Variants in ARHGAP12 observed in about 807,000 individuals in gnomAD.
ARHGAP12 encodes rho GTPase-activating protein 12.
Under a neutral mutation model 108.6 loss-of-function variants are expected in ARHGAP12, and 64 were observed. The ratio of observed to expected loss-of-function variants is 0.59; its 90% confidence interval spans 0.48 to 0.73. ARHGAP12 has a LOEUF of 0.73. Ranked by LOEUF, ARHGAP12 falls within the 30% of genes least tolerant of loss-of-function variation. The pLI, the probability that ARHGAP12 is intolerant of heterozygous loss-of-function variation, is 0.00. For synonymous variants in ARHGAP12, 312 were observed against 337.2 expected, an observed-to-expected ratio of 0.93 and a Z score of 0.82; for missense variants, 940 against 1,005.9, an observed-to-expected ratio of 0.93 and a Z score of 0.89.
chr10:31,866,312 CA>C (rs1837318854), intron 3 of ARHGAP12, among the ~76,000 whole-genome samples: 1 of 152,166 alleles, frequency 6.6e-6, no homozygotes, highest in Non-Finnish European at 1.5e-5. Flanking sequence ...AGCTACCAGC[CA>C]TGAGGATCTG....
rs1367968136 is a variant in ARHGAP12 at position 31,808,672 on chromosome 10, C to G, written c.2343G>C (p.Gln781His). 2.5e-6 allele frequency: 4 copies of G among 1,613,508 alleles called. No homozygotes were observed. The African/African-American group carries it at 4.0e-5, about 16-fold the overall frequency. The change falls in exon 19 of 20, where the codon CAG becomes CAC. Residue 781 changes from glutamine to histidine, a missense_variant. Gln to His is a conservative substitution (Grantham distance 24). Coordinates refer to ENST00000344936, the MANE Select transcript of ARHGAP12 (RefSeq NM_018287.7). Reference protein sequence around the residue: ...QLPKPNQDTMQILFRHLRRVI... With the variant: ...QLPKPNQDTMHILFRHLRRVI... ...ACCTTCTGAGATGTCGGAAAAGAATCTGCATTGTGTCTTGGTTTGGCTTTG... is the reference window on the plus strand; with the variant it reads ...ACCTTCTGAGATGTCGGAAAAGAATGTGCATTGTGTCTTGGTTTGGCTTTG...
At chr10:31,895,867 A>C (rs916651688) in intron 3 of ARHGAP12, among the ~76,000 whole-genome samples, 10 of 152,234 alleles carry the variant, frequency 6.6e-5, no homozygotes, top group African/African-American at 2.2e-4. Context: ...AGACTGCATT[A>C]AGAAAATGTG....
chr10:31,917,534 T>G (rs1839614671), intron 1 of ARHGAP12, among the ~76,000 whole-genome samples: 1 of 152,256 alleles, frequency 6.6e-6, no homozygotes, highest in African/African-American at 2.4e-5. Context: ...CCCAGGTATC[T>G]TCTCCTCCCC....
intron 4 of ARHGAP12, among the ~76,000 whole-genome samples, chr10:31,859,714 AAAATTGTT>A (rs1837039227): frequency 6.6e-6 from 1 of 152,152 alleles, no homozygotes; most frequent in Admixed American, 6.5e-5. Flanking sequence ...CTAATTCTCT[AAAATTGTT>A]AAATTTTACT....
chr10:31,927,306 A>T (rs1170233157), intron 1 of ARHGAP12, among the ~76,000 whole-genome samples: 1 of 152,062 alleles, frequency 6.6e-6, no homozygotes. Flanking sequence ...ACACCCTCCT[A>T]CAGATAAAGA....
At chr10:31,900,938 G>T (rs932671244) in intron 3 of ARHGAP12, among the ~76,000 whole-genome samples, 1 of 152,088 alleles carries the variant, frequency 6.6e-6, no homozygotes, top group African/African-American at 2.4e-5. Flanking sequence ...AAACTGGGCC[G>T]GTCTCAGCAG....
intron 10 of ARHGAP12, among the ~76,000 whole-genome samples, chr10:31,827,335 A>G (rs1222369596): frequency 6.6e-6 from 1 of 152,206 alleles, no homozygotes; most frequent in Non-Finnish European, 1.5e-5. Context: ...CTAGCACAGT[A>G]CTTTTCAAAC....
At chr10:31,831,903 TAAAAG>T (rs1294686509) in intron 9 of ARHGAP12, 103 bp from the exon 10 acceptor site, 2 of 592,294 alleles carry the variant, frequency 3.4e-6, no homozygotes, top group Non-Finnish European at 5.6e-6. Flanking sequence ...AAAATTAGCT[TAAAAG>T]AAAAGATTAG....
At chr10:31,865,598 A>G (rs1474271405) in intron 3 of ARHGAP12, among the ~76,000 whole-genome samples, 1 of 152,026 alleles carries the variant, frequency 6.6e-6, no homozygotes, top group Non-Finnish European at 1.5e-5. Context: ...AGGGCTGGCC[A>G]GGCGCGGCGA....
chr10:31,844,234 C>T (rs1166694316), intron 6 of ARHGAP12, among the ~76,000 whole-genome samples: 1 of 152,124 alleles, frequency 6.6e-6, no homozygotes, highest in Non-Finnish European at 1.5e-5. Flanking sequence ...TCATATCTGT[C>T]AATCTTTCCT....
intron 10 of ARHGAP12, among the ~76,000 whole-genome samples, chr10:31,830,407 G>C (rs1343479309): frequency 1.3e-5 from 2 of 151,734 alleles, no homozygotes; most frequent in Non-Finnish European, 2.9e-5. Context: ...TACTATCATA[G>C]GAAAAAAAAC....
At chr10:31,903,854 T>A (rs1839021506) in intron 3 of ARHGAP12, among the ~76,000 whole-genome samples, 2 of 152,028 alleles carry the variant, frequency 1.3e-5, no homozygotes, top group South Asian at 4.1e-4. Flanking sequence ...AATAAACATA[T>A]GAAAACATAT....
intron 3 of ARHGAP12, among the ~76,000 whole-genome samples, chr10:31,876,546 C>CAAAAAAAAAAAAAAAAAAA (rs57573841): frequency 7.3e-6 from 1 of 136,666 alleles, no homozygotes; most frequent in African/African-American, 2.6e-5. Context: ...AAAAAACCAC[C>CAAAAAAAAAAAAAAAAAAA]AAAAAAAAAA....
intron 3 of ARHGAP12, among the ~76,000 whole-genome samples, chr10:31,874,899 G>A (rs985662069): frequency 6.8e-5 from 10 of 147,280 alleles, no homozygotes; most frequent in African/African-American, 1.8e-4. Context: ...TCTTGAACCC[G>A]GGAGGCAGAG....
chr10:31,826,666 T>C (rs1442530650), intron 10 of ARHGAP12: 3 of 300,698 alleles, frequency 1.0e-5, no homozygotes, highest in Non-Finnish European at 1.8e-5. Context: ...GTGAAATTAA[T>C]ACAGCACTTT....
intron 13 of ARHGAP12, 49 bp downstream of exon 13, chr10:31,817,739 A>G (rs1296796359): frequency 1.5e-6 from 2 of 1,324,404 alleles, no homozygotes; most frequent in Admixed American, 4.6e-5. Context: ...TAAAAAAAAA[A>G]AAGAAAAACA....
chr10:31,853,978 T>A (rs1836792531), intron 5 of ARHGAP12, 88 bp downstream of exon 5: 1 of 1,338,250 alleles, frequency 7.5e-7, no homozygotes. Flanking sequence ...CATGAGTTTT[T>A]TCTTTTTTAA....
At chr10:31,857,105 T>A (rs1263800537) in intron 4 of ARHGAP12, among the ~76,000 whole-genome samples, 1 of 152,182 alleles carries the variant, frequency 6.6e-6, no homozygotes, top group Non-Finnish European at 1.5e-5. Context: ...ATTCAAAATA[T>A]TATCTGATTC....
At chr10:31,817,650 T>C (rs979655947) in intron 13 of ARHGAP12, 138 bp downstream of exon 13, 8 of 541,318 alleles carry the variant, frequency 1.5e-5, no homozygotes, top group African/African-American at 7.9e-5. Flanking sequence ...AAATTGACCA[T>C]TGTTTTTTCC....
Sources: allele counts gnomAD v4.1 joint callset (sites outside exome capture counted in the v4.1 genomes callset), GRCh38; gene constraint gnomAD v4.1.1; transcripts MANE v1.5; gene names NCBI Gene and HGNC (gene_info 2026-07-23, HGNC 2026-07-21).